Variants in BNC2 observed in about 807,000 individuals in gnomAD.
BNC2 encodes the protein zinc finger protein basonuclin-2.
Under a neutral mutation model 76.3 loss-of-function variants are expected in BNC2, and 20 were observed. The observed-to-expected ratio is 0.26, with a 90% confidence interval of 0.18 to 0.38. The LOEUF (loss-of-function observed/expected upper bound fraction) is 0.38, where lower values mean the gene tolerates loss of function less well. Among genes scored for constraint, BNC2 ranks in the 10% least tolerant of loss-of-function variants. BNC2 has a pLI of 1.00. For missense variants in BNC2, 1,382 were observed against 1,399.8 expected (o/e 0.99, Z 0.20); for synonymous variants, 582 against 514.8 (o/e 1.13, Z -1.77).
chr9:16,600,959 T>C (rs1170040377), intron 3 of BNC2, among the ~76,000 whole-genome samples: 3 of 152,208 alleles, frequency 2.0e-5, no homozygotes, highest in African/African-American at 7.2e-5. Flanking sequence ...TGCCTCTTGC[T>C]TTAATTTGGG....
intron 4 of BNC2, among the ~76,000 whole-genome samples, chr9:16,569,146 T>A (rs1819248623): frequency 6.6e-6 from 1 of 152,022 alleles, no homozygotes; most frequent in African/African-American, 2.4e-5. Context: ...GTGTCAGTGT[T>A]TTTTAAAATG....
At chr9:16,753,869 A>C (rs1825294909) in intron 1 of BNC2, among the ~76,000 whole-genome samples, 1 of 18,310 alleles carries the variant, frequency 5.5e-5, no homozygotes, top group African/African-American at 8.3e-4. Flanking sequence ...TAGTTACAGT[A>C]ATCCATACTT....
intron 2 of BNC2, among the ~76,000 whole-genome samples, chr9:16,730,459 A>C (rs966062596): frequency 1.3e-5 from 2 of 152,168 alleles, no homozygotes; most frequent in South Asian, 2.1e-4. Flanking sequence ...TTTTCCCCCT[A>C]AACTGCACAG....
chr9:16,507,779 T>C (rs541357223), intron 5 of BNC2, among the ~76,000 whole-genome samples: 21 of 152,260 alleles, frequency 1.4e-4, no homozygotes, highest in Admixed American at 3.3e-4. Context: ...AGTAGGTCCA[T>C]AATAAACACT....
At chr9:16,712,347 C>A (rs1823874583) in intron 3 of BNC2, among the ~76,000 whole-genome samples, 1 of 151,972 alleles carries the variant, frequency 6.6e-6, no homozygotes, top group Non-Finnish European at 1.5e-5. Context: ...AAGTTATAAC[C>A]TAAAGCCAAA....
intron 3 of BNC2, among the ~76,000 whole-genome samples, chr9:16,655,879 G>A (rs1326796076): frequency 6.6e-6 from 1 of 152,194 alleles, no homozygotes; most frequent in Non-Finnish European, 1.5e-5. Flanking sequence ...GGGCCACTCT[G>A]ATCTCAGTAC....
intron 1 of BNC2, among the ~76,000 whole-genome samples, chr9:16,780,253 A>AC (rs1826109597): frequency 2.5e-5 from 3 of 120,760 alleles, no homozygotes; most frequent in African/African-American, 1.1e-4. Context: ...AAAAAAAAAA[A>AC]AAACAAAAAA....
intron 1 of BNC2, among the ~76,000 whole-genome samples, chr9:16,845,112 G>A (rs1818936469): frequency 1.3e-5 from 2 of 152,226 alleles, no homozygotes; most frequent in South Asian, 4.1e-4. Flanking sequence ...TCGGGCTGGG[G>A]GCCAACCTTC....
At chr9:16,790,514 G>A (rs866247379) in intron 1 of BNC2, among the ~76,000 whole-genome samples, 6 of 152,100 alleles carry the variant, frequency 3.9e-5, no homozygotes, top group Admixed American at 2.6e-4. Context: ...CCTTATTCTC[G>A]TTGCTAATTT....
chr9:16,693,630 C>T (rs913325420), intron 3 of BNC2, among the ~76,000 whole-genome samples: 1 of 152,110 alleles, frequency 6.6e-6, no homozygotes, highest in Non-Finnish European at 1.5e-5. Context: ...CAGATCATAA[C>T]TTAGTTTTAG....
At chr9:16,685,895 T>C (rs2134351940) in intron 3 of BNC2, among the ~76,000 whole-genome samples, 1 of 152,236 alleles carries the variant, frequency 6.6e-6, no homozygotes, top group South Asian at 2.1e-4. Context: ...TAGCACACAG[T>C]AGGCACCTAA....
chr9:16,592,423 A>C (rs2133191400), intron 3 of BNC2, among the ~76,000 whole-genome samples: 1 of 152,340 alleles, frequency 6.6e-6, no homozygotes, highest in Non-Finnish European at 1.5e-5. Context: ...GCTGAGTTGC[A>C]GGAGCCAGTC....
intron 5 of BNC2, among the ~76,000 whole-genome samples, chr9:16,498,190 C>A (rs1017892188): frequency 7.5e-6 from 1 of 133,864 alleles, no homozygotes; most frequent in Non-Finnish European, 1.5e-5. Context: ...TATATTCCAT[C>A]ATATATATAT....
At chr9:16,420,687 A>G (rs1820691660) in intron 6 of BNC2, among the ~76,000 whole-genome samples, 1 of 146,782 alleles carries the variant, frequency 6.8e-6, no homozygotes, top group African/African-American at 2.5e-5. Context: ...ATATACATAC[A>G]CATATACATA....
intron 4 of BNC2, among the ~76,000 whole-genome samples, chr9:16,582,423 C>T (rs552994997): frequency 1.3e-5 from 2 of 152,136 alleles, no homozygotes; most frequent in Non-Finnish European, 2.9e-5. Context: ...CTACCTACGT[C>T]GACCACCTCC....
intron 5 of BNC2, among the ~76,000 whole-genome samples, chr9:16,497,620 G>A (rs1217044680): frequency 6.6e-6 from 1 of 152,012 alleles, no homozygotes. Flanking sequence ...AACAAATATA[G>A]GACTACAAGG....
intron 4 of BNC2, among the ~76,000 whole-genome samples, chr9:16,561,300 G>A (rs1819007387): frequency 6.6e-6 from 1 of 151,688 alleles, no homozygotes; most frequent in African/African-American, 2.4e-5. Context: ...TGACACATAT[G>A]CCCCCACTCA....
At chr9:16,549,982 C>T (rs1818609712) in intron 5 of BNC2, among the ~76,000 whole-genome samples, 1 of 151,666 alleles carries the variant, frequency 6.6e-6, no homozygotes, top group Non-Finnish European at 1.5e-5. Flanking sequence ...TTGAGACTGT[C>T]AAAATCTATA....
intron 3 of BNC2, among the ~76,000 whole-genome samples, chr9:16,707,768 A>T (rs781586549): frequency 6.6e-6 from 1 of 152,130 alleles, no homozygotes; most frequent in South Asian, 2.1e-4. Context: ...CAGCCTCCTG[A>T]GTAGCTGGGA....
Sources: gnomAD v4.1 joint callset for allele counts (sites outside exome capture counted in the v4.1 genomes callset) on GRCh38, gnomAD v4.1.1 for gene constraint, MANE v1.5 for transcripts, NCBI Gene and HGNC (gene_info 2026-07-23, HGNC 2026-07-21) for gene names.